Variants in USH2A observed in about 807,000 individuals in gnomAD.
The protein encoded by USH2A is Usher syndrome 2A (autosomal recessive, mild).
Under a neutral mutation model 538.9 loss-of-function variants are expected in USH2A, and 443 were observed. The ratio of observed to expected loss-of-function variants is 0.82; its 90% CI spans 0.76 to 0.89. The LOEUF is 0.89. Ranked by LOEUF, USH2A falls within the 40% of genes least tolerant of loss-of-function variation. The pLI is 0.00. For synonymous variants in USH2A, 2,413 were observed against 2,273.5 expected (o/e 1.06, Z -1.75); for missense variants, 6,633 against 6,324.8 (o/e 1.05, Z -1.65).
At chr1:216,087,008 A>T in intron 23 of USH2A, 188 bp from the exon 24 acceptor site, 2 of 573,690 alleles carry the variant, frequency 3.5e-6, no homozygotes, top group Non-Finnish European at 3.3e-6. Context: ...TGTTGGAATG[A>T]TCCAGACCGC....
chr1:216,030,593 C>T (rs1558221030), intron 32 of USH2A, among the ~76,000 whole-genome samples: 1 of 142,578 alleles, frequency 7.0e-6, no homozygotes, highest in African/African-American at 2.6e-5. Flanking sequence ...ATATATATCA[C>T]AGATATATAA....
intron 15 of USH2A, among the ~76,000 whole-genome samples, chr1:216,211,298 C>T (rs1447806574): frequency 6.6e-6 from 1 of 152,126 alleles, no homozygotes; most frequent in African/African-American, 2.4e-5. Flanking sequence ...TAACCTGGAG[C>T]TTGTGATTGG....
At chr1:215,748,076 A>T (rs982655551) in intron 58 of USH2A, among the ~76,000 whole-genome samples, 5 of 151,970 alleles carry the variant, frequency 3.3e-5, no homozygotes, top group Non-Finnish European at 7.4e-5. Flanking sequence ...TATTTTTAGT[A>T]GAGACGGGGT....
At position 215,674,700 on chromosome 1, in the gene USH2A, AG is replaced by A. The variant is rs1190020491; in HGVS notation, c.13210del (p.Leu4404CysfsTer19). The A allele has an allele frequency of 1.2e-6, 2 of 1,614,064 alleles. No homozygotes were observed. Among genetic ancestry groups the A allele is most frequent in the African/African-American group, 2.7e-5 (2 of 74,934 alleles). ...CTGCAGGTGGGAAACCAGCAGGCAC[AG>A]GCCCTGGCCAGCAAGGGACTCTTTA... ...DNKESLAGQG[L>X]CLLVSHLQPY... On this transcript the variant is annotated frameshift_variant, in exon 63 of 72. Transcript: ENST00000307340. LOFTEE classifies it high-confidence loss of function.
intron 35 of USH2A, among the ~76,000 whole-genome samples, chr1:215,989,181 T>C (rs1181567207): frequency 3.3e-5 from 5 of 152,242 alleles, no homozygotes; most frequent in African/African-American, 7.2e-5. Flanking sequence ...TCTTTGTTCA[T>C]GTTTATAAAT....
chr1:216,361,959 T>A (rs754497840), intron 4 of USH2A, among the ~76,000 whole-genome samples: 30 of 152,206 alleles, frequency 2.0e-4, no homozygotes, highest in Non-Finnish European at 3.7e-4. Context: ...GCTACATTGA[T>A]GCTATTCTGT....
At chr1:215,816,434 C>G (rs1417440711) in intron 48 of USH2A, among the ~76,000 whole-genome samples, 1 of 151,950 alleles carries the variant, frequency 6.6e-6, no homozygotes, top group East Asian at 1.9e-4. Flanking sequence ...GTAGCTTTAG[C>G]CATTGAATGT....
At chr1:216,300,034 A>C (rs1193267567) in intron 9 of USH2A, among the ~76,000 whole-genome samples, 2 of 152,164 alleles carry the variant, frequency 1.3e-5, no homozygotes, top group Non-Finnish European at 2.9e-5. Flanking sequence ...TTTGATTATA[A>C]AGTTTCATGA....
intron 60 of USH2A, among the ~76,000 whole-genome samples, chr1:215,731,809 C>T (rs1008009252): frequency 3.9e-5 from 6 of 152,134 alleles, no homozygotes; most frequent in Non-Finnish European, 7.3e-5. Context: ...AACTGCCAAC[C>T]CCATTCCATG....
intron 67 of USH2A, among the ~76,000 whole-genome samples, chr1:215,646,998 C>T (rs568755049): frequency 3.2e-4 from 49 of 152,326 alleles, no homozygotes; most frequent in Non-Finnish European, 5.9e-4. Flanking sequence ...TCACGACACT[C>T]GCCTAACGAT....
In USH2A at chr1:216,246,714, A is replaced by C. The variant is rs1471999535; in HGVS notation, c.2680T>G (p.Phe894Val). ...PHRYNLTIDN[F>V]QHCQMCECDS... is the part of the protein sequence containing the mutation. Reference sequence around the variant, plus strand: ...CACTCACACATCTGGCAGTGTTGAAAATTGTCAATGGTCAAATTGTACCTG... The same window carrying C: ...CACTCACACATCTGGCAGTGTTGAACATTGTCAATGGTCAAATTGTACCTG... Residue 894 changes from phenylalanine to valine, a missense_variant, in exon 13 of 72, where the codon TTT becomes GTT. By Grantham distance (50) the Phe-to-Val change is conservative. Coordinates refer to ENST00000307340, the MANE Select transcript of USH2A (RefSeq NM_206933.4). 2.1e-5 allele frequency: 34 copies of C among 1,613,988 alleles called. No individual in the cohort carries two copies. Among genetic ancestry groups the C allele is most frequent in the Non-Finnish European group, 2.5e-5 (29 of 1,179,980 alleles).
In USH2A at chr1:215,810,368, TG is replaced by T. The variant is rs1054572939; in HGVS notation, c.9739+3367del. On this transcript the variant is annotated intron_variant, in intron 49 of 71. Transcript: ENST00000307340. ...GAAACCTAACAAAAGTAGATTGTGC[TG>T]TCGGTTCAAAATCTGACTACTTATG... is the stretch of plus-strand genomic sequence containing the variant. 8.1e-4 allele frequency among the ~76,000 whole-genome samples: 123 copies of T among 152,324 alleles called. 1 individual carries two copies. The highest frequency in any genetic ancestry group is 2.9e-3 in the African/African-American group (119 of 41,586).
chr1:216,134,056 C>T (rs301739), intron 21 of USH2A, among the ~76,000 whole-genome samples: 120,150 of 151,968 alleles, frequency 0.79, 47,589 homozygotes, highest in Non-Finnish European at 0.8. Flanking sequence ...AATACTAATA[C>T]AGAGTCTTTT....
intron 43 of USH2A, among the ~76,000 whole-genome samples, chr1:215,874,119 C>T (rs2102447130): frequency 6.6e-6 from 1 of 152,238 alleles, no homozygotes; most frequent in South Asian, 2.1e-4. Context: ...AGGTCGCCGC[C>T]CTCTTGTTAA....
intron 11 of USH2A, among the ~76,000 whole-genome samples, chr1:216,252,227 A>G (rs923565353): frequency 6.6e-6 from 1 of 152,248 alleles, no homozygotes; most frequent in Non-Finnish European, 1.5e-5. Context: ...GGACATATGT[A>G]TATAAAATGT....
intron 9 of USH2A, among the ~76,000 whole-genome samples, chr1:216,292,706 G>A (rs561630161): frequency 9.2e-5 from 14 of 152,090 alleles, no homozygotes; most frequent in Non-Finnish European, 1.5e-5. Flanking sequence ...TCACATCTTG[G>A]AAAATGCGAC....
At chr1:216,262,184 C>A (rs1180958964) in intron 11 of USH2A, among the ~76,000 whole-genome samples, 1 of 151,852 alleles carries the variant, frequency 6.6e-6, no homozygotes, top group Non-Finnish European at 1.5e-5. Context: ...ATGACACTAC[C>A]AAAGGAACAC....
intron 32 of USH2A, among the ~76,000 whole-genome samples, chr1:216,041,035 A>AT (rs772771115): frequency 2.0e-5 from 3 of 152,068 alleles, no homozygotes; most frequent in Non-Finnish European, 4.4e-5. Flanking sequence ...ATTATTAGTA[A>AT]TACATAATGT....
At chr1:216,049,282 C>A (rs997125873) in intron 30 of USH2A, among the ~76,000 whole-genome samples, 4 of 152,102 alleles carry the variant, frequency 2.6e-5, no homozygotes, top group African/African-American at 9.7e-5. Context: ...AATTAAGACA[C>A]CTGTCTTAAA....
Sources: allele counts gnomAD v4.1 joint callset (sites outside exome capture counted in the v4.1 genomes callset), GRCh38; gene constraint gnomAD v4.1.1; transcripts MANE v1.5; gene names NCBI Gene and HGNC (gene_info 2026-07-23, HGNC 2026-07-21).